Variants in FNDC3A observed in about 807,000 individuals in gnomAD.
FNDC3A encodes fibronectin type-III domain-containing protein 3A.
Under a neutral mutation model 148.9 loss-of-function variants are expected in FNDC3A, and 32 were observed. That is an observed-to-expected ratio of 0.21 (90% CI 0.16 to 0.29). FNDC3A has a LOEUF of 0.29. Ranked by LOEUF, FNDC3A falls within the 10% of genes least tolerant of loss-of-function variation. The pLI is 1.00. For synonymous variants in FNDC3A, 472 were observed against 473.6 expected, an observed-to-expected ratio of 1.00 and a Z score of 0.04; for missense variants, 1,191 against 1,452.8, an observed-to-expected ratio of 0.82 and a Z score of 2.93.
chr13:49,044,908 A>G (rs1875242538), intron 2 of FNDC3A: 2 of 277,408 alleles, frequency 7.2e-6, no homozygotes, highest in Non-Finnish European at 7.3e-6. Context: ...ATTTGTTGAA[A>G]TGTATCACAT....
chr13:48,988,579 A>G (rs750277234), intron 1 of FNDC3A, among the ~76,000 whole-genome samples: 2 of 152,150 alleles, frequency 1.3e-5, no homozygotes, highest in Non-Finnish European at 2.9e-5. Context: ...CTTGGCTCAC[A>G]CTTAATAGTC....
At chr13:49,064,258 T>A (rs920879874) in intron 2 of FNDC3A, among the ~76,000 whole-genome samples, 1 of 152,092 alleles carries the variant, frequency 6.6e-6, no homozygotes, top group Non-Finnish European at 1.5e-5. Flanking sequence ...GGAGAATCGC[T>A]TGAACCTGGG....
chr13:49,150,004 CTG>C (rs1883196958), intron 8 of FNDC3A, among the ~76,000 whole-genome samples: 1 of 152,058 alleles, frequency 6.6e-6, no homozygotes, highest in Non-Finnish European at 1.5e-5. Context: ...ATGATTGTAA[CTG>C]TGTTATCAGT....
intron 1 of FNDC3A, among the ~76,000 whole-genome samples, chr13:48,991,859 G>A (rs1336853165): frequency 1.1e-4 from 17 of 152,276 alleles, no homozygotes; most frequent in Admixed American, 1.0e-3. Flanking sequence ...ACTGAACATC[G>A]TAGCTTAGCC....
intron 8 of FNDC3A, among the ~76,000 whole-genome samples, chr13:49,161,841 G>A (rs1457125544): frequency 6.6e-6 from 1 of 152,126 alleles, no homozygotes; most frequent in African/African-American, 2.4e-5. Context: ...AAATTTGTCT[G>A]TAAAGGATTT....
intron 2 of FNDC3A, among the ~76,000 whole-genome samples, chr13:49,010,672 C>G (rs1952321054): frequency 6.6e-6 from 1 of 152,114 alleles, no homozygotes; most frequent in Non-Finnish European, 1.5e-5. Context: ...AGGCATAAAT[C>G]TTGTAACTAC....
chr13:49,016,856 T>C (rs545035764), intron 2 of FNDC3A, among the ~76,000 whole-genome samples: 3,259 of 151,838 alleles, frequency 0.021, 41 homozygotes, highest in Middle Eastern at 0.051. Flanking sequence ...CATTTCGTTA[T>C]GTACCCAGTA....
intron 4 of FNDC3A, among the ~76,000 whole-genome samples, chr13:49,115,006 AAAT>A (rs1357703296): frequency 6.6e-6 from 1 of 152,156 alleles, no homozygotes; most frequent in East Asian, 1.9e-4. Context: ...GACTAAATAA[AAAT>A]AATATTTTAG....
In FNDC3A at chr13:49,152,512, G is replaced by GTT. The variant is rs200709419; in HGVS notation, c.977+6577_977+6578insTT. ...GGGTAGATTGCAAAAAAAATTGTTT[G>GTT]GTTTTTTTTTAATTATACTTTAAGT... is the stretch of plus-strand genomic sequence containing the variant. On this transcript the variant is annotated intron_variant, in intron 8 of 25. Transcript: ENST00000492622. 1.0e-3 allele frequency among the ~76,000 whole-genome samples: 151 copies of GTT among 150,480 alleles called. 1 individual carries two copies. The highest frequency in any genetic ancestry group is 1.3e-3 in the South Asian group (6 of 4,780).
intron 2 of FNDC3A, among the ~76,000 whole-genome samples, chr13:49,054,327 A>G (rs1219858206): frequency 6.6e-6 from 1 of 152,198 alleles, no homozygotes; most frequent in Admixed American, 6.5e-5. Context: ...ATTCATTTCC[A>G]TTAAAAAGAA....
intron 4 of FNDC3A, among the ~76,000 whole-genome samples, chr13:49,120,859 C>T (rs1881293439): frequency 6.6e-6 from 1 of 152,068 alleles, no homozygotes. Context: ...TTCTTAGAGA[C>T]CTACAAACAG....
chr13:49,003,713 T>C (rs1354310545), intron 1 of FNDC3A, among the ~76,000 whole-genome samples: 2 of 152,162 alleles, frequency 1.3e-5, no homozygotes, highest in Non-Finnish European at 2.9e-5. Flanking sequence ...CTCTCTGACA[T>C]TTAAAACAAC....
At chr13:49,076,337 C>T (rs531866456) in intron 3 of FNDC3A, among the ~76,000 whole-genome samples, 39 of 151,912 alleles carry the variant, frequency 2.6e-4, no homozygotes, top group Admixed American at 6.6e-4. Context: ...CTCTGCCTCC[C>T]GGGTTCAAGT....
chr13:49,206,444 A>T (rs1224119418), intron 25 of FNDC3A, among the ~76,000 whole-genome samples: 1 of 152,114 alleles, frequency 6.6e-6, no homozygotes, highest in African/African-American at 2.4e-5. Context: ...CAAAAAAAAA[A>T]TTTGCAACCT....
intron 3 of FNDC3A, among the ~76,000 whole-genome samples, chr13:49,092,760 TA>T (rs762322245): frequency 5.3e-3 from 756 of 141,914 alleles, no homozygotes; most frequent in African/African-American, 5.1e-3. Context: ...ACTCCAATGT[TA>T]AAAAAAAAAA....
intron 2 of FNDC3A, among the ~76,000 whole-genome samples, chr13:49,024,374 A>C (rs568505203): frequency 1.3e-5 from 2 of 152,106 alleles, no homozygotes; most frequent in South Asian, 4.1e-4. Flanking sequence ...AACCATTTCC[A>C]TGAGGCAAAC....
At chr13:49,084,385 CTG>C (rs1042390790) in intron 3 of FNDC3A, among the ~76,000 whole-genome samples, 2 of 152,242 alleles carry the variant, frequency 1.3e-5, no homozygotes, top group Admixed American at 6.5e-5. Context: ...GCCTTGGTAA[CTG>C]TTATATACCA....
intron 7 of FNDC3A, among the ~76,000 whole-genome samples, chr13:49,143,060 G>T (rs967580496): frequency 6.6e-6 from 1 of 152,102 alleles, no homozygotes; most frequent in African/African-American, 2.4e-5. Context: ...TAGAGATAGG[G>T]TTCCACCATG....
chr13:49,075,150 C>CCAGCAT (rs1385954868), intron 2 of FNDC3A, 139 bp from the exon 3 acceptor site: 1 of 462,826 alleles, frequency 2.2e-6, no homozygotes, highest in Non-Finnish European at 4.0e-6. Context: ...TTTTAGCAAA[C>CCAGCAT]CAGCATCTTA....
Sources: gnomAD v4.1 joint callset for allele counts (sites outside exome capture counted in the v4.1 genomes callset) on GRCh38, gnomAD v4.1.1 for gene constraint, MANE v1.5 for transcripts, NCBI Gene and HGNC (gene_info 2026-07-23, HGNC 2026-07-21) for gene names.